The following TATDN1 variants were observed in gnomAD, a reference collection of about 807,000 sequenced individuals.
TATDN1 encodes the protein deoxyribonuclease TATDN1.
In TATDN1, 40 loss-of-function variants were observed where a neutral mutation model predicts 46.4. That is an observed-to-expected ratio of 0.86 (90% confidence interval 0.67 to 1.12). The LOEUF is 1.12. TATDN1 is among the 50% of genes most tolerant of loss of function. The pLI is 0.00. For synonymous variants in TATDN1, 95 were observed against 105.6 expected (o/e 0.90, Z 0.62); for missense variants, 326 against 348.4 (o/e 0.94, Z 0.51).
At chr8:124,522,591 G>T (rs1820144782) in intron 2 of TATDN1, among the ~76,000 whole-genome samples, 1 of 152,022 alleles carries the variant, frequency 6.6e-6, no homozygotes, top group South Asian at 2.1e-4. Context: ...TAATTTTATT[G>T]TATTTTTAGT....
In TATDN1 at chr8:124,505,030, C is replaced by T. The variant is rs1239629098; in HGVS notation, c.517-683G>A. ...TCGGCCTCCCAAAATGCTGGGATTA[C>T]AGAGGTGAGCCACCGCGCCTGGCCG... is the stretch of plus-strand genomic sequence containing the variant. On this transcript the variant is annotated intron_variant, in intron 8 of 11. Coordinates refer to ENST00000276692, the MANE Select transcript of TATDN1 (RefSeq NM_032026.4). Among the ~76,000 whole-genome samples the T allele has an allele frequency of 1.3e-5, 2 of 150,650 alleles. 1 individual carries two copies. Among genetic ancestry groups the T allele is most frequent in the African/African-American group, 4.9e-5 (2 of 41,078 alleles).
At chr8:124,519,161 T>C (rs554195739) in intron 3 of TATDN1, among the ~76,000 whole-genome samples, 8 of 152,332 alleles carry the variant, frequency 5.3e-5, no homozygotes, top group South Asian at 2.1e-4. Context: ...TATTAGACAA[T>C]GCATTCCTTG....
intron 6 of TATDN1, among the ~76,000 whole-genome samples, chr8:124,514,696 T>C (rs1345193632): frequency 6.6e-6 from 1 of 152,242 alleles, no homozygotes; most frequent in Non-Finnish European, 1.5e-5. Flanking sequence ...AAATTCAGAC[T>C]GTGACCTAAA....
intron 9 of TATDN1, among the ~76,000 whole-genome samples, chr8:124,499,793 C>T (rs1009705754): frequency 1.1e-4 from 16 of 151,980 alleles, no homozygotes; most frequent in Non-Finnish European, 1.5e-4. Flanking sequence ...ATCCGCCCAC[C>T]TCAGCCTCCC....
intron 6 of TATDN1, among the ~76,000 whole-genome samples, chr8:124,514,175 C>CT (rs1203872121): frequency 6.6e-6 from 1 of 152,108 alleles, no homozygotes; most frequent in Non-Finnish European, 1.5e-5. Context: ...AGCTTGAGGT[C>CT]TAGGGTATGA....
At chr8:124,508,416 T>G in intron 8 of TATDN1, 58 bp downstream of exon 8, 1 of 1,471,382 alleles carries the variant, frequency 6.8e-7, no homozygotes, top group Non-Finnish European at 9.4e-7. Flanking sequence ...TGGGAGTATT[T>G]TGGATTTTTG....
chr8:124,494,856 A>C (rs1452500087), intron 10 of TATDN1: 1 of 152,136 alleles, frequency 6.6e-6, no homozygotes, highest in Admixed American at 6.6e-5. Flanking sequence ...CTAAGTAGCT[A>C]GGATTACAGG....
At chr8:124,535,737 T>C (rs1821377205) in intron 1 of TATDN1, among the ~76,000 whole-genome samples, 1 of 152,200 alleles carries the variant, frequency 6.6e-6, no homozygotes, top group South Asian at 2.1e-4. Context: ...ACTGGGTGAT[T>C]TATAAAGAAA....
intron 9 of TATDN1, among the ~76,000 whole-genome samples, chr8:124,498,907 C>A (rs1358896884): frequency 2.0e-5 from 3 of 151,690 alleles, no homozygotes; most frequent in Non-Finnish European, 4.4e-5. Context: ...GCCTCAGCCT[C>A]CTGAAGTGCT....
chr8:124,526,103 AG>A (rs920834023), intron 1 of TATDN1, among the ~76,000 whole-genome samples: 20 of 152,340 alleles, frequency 1.3e-4, no homozygotes, highest in Non-Finnish European at 2.4e-4. Context: ...AACAATACAT[AG>A]CCAATCACTA....
intron 1 of TATDN1, among the ~76,000 whole-genome samples, chr8:124,534,018 C>G (rs923853234): frequency 2.6e-5 from 4 of 151,516 alleles, no homozygotes; most frequent in Non-Finnish European, 5.9e-5. Context: ...TGGTAGTGGG[C>G]GCCTGTAGTC....
intron 8 of TATDN1, among the ~76,000 whole-genome samples, chr8:124,506,227 C>T (rs1212824483): frequency 3.5e-5 from 5 of 143,706 alleles, no homozygotes; most frequent in Admixed American, 7.2e-5. Flanking sequence ...CCCAGCTACT[C>T]GGGAGGCTGA....
chr8:124,496,448 T>C (rs1055371458), intron 9 of TATDN1, among the ~76,000 whole-genome samples: 5 of 152,220 alleles, frequency 3.3e-5, no homozygotes, highest in Admixed American at 2.6e-4. Flanking sequence ...TGTGGTATCA[T>C]ACTGAATAGT....
chr8:124,496,394 G>A (rs1323353799), intron 9 of TATDN1, among the ~76,000 whole-genome samples: 1 of 152,132 alleles, frequency 6.6e-6, no homozygotes, highest in Non-Finnish European at 1.5e-5. Flanking sequence ...GGTTTCATGT[G>A]TTCTGTGGGT....
At chr8:124,531,560 C>A (rs767309317) in intron 1 of TATDN1, among the ~76,000 whole-genome samples, 1 of 152,170 alleles carries the variant, frequency 6.6e-6, no homozygotes, top group Non-Finnish European at 1.5e-5. Context: ...TCTCAAGCAG[C>A]ATTTTGGCCA....
intron 1 of TATDN1, among the ~76,000 whole-genome samples, chr8:124,534,095 C>G (rs1821212804): frequency 7.4e-6 from 1 of 135,354 alleles, no homozygotes; most frequent in Admixed American, 8.8e-5. Flanking sequence ...GCAGTGAGCC[C>G]AGACTGCACC....
At chr8:124,530,797 C>G (rs1245101594) in intron 1 of TATDN1, among the ~76,000 whole-genome samples, 1 of 152,146 alleles carries the variant, frequency 6.6e-6, no homozygotes, top group East Asian at 1.9e-4. Flanking sequence ...AAATGAGACC[C>G]AGTGTCTTTG....
At chr8:124,519,320 T>G (rs2131503136) in intron 3 of TATDN1, among the ~76,000 whole-genome samples, 1 of 152,292 alleles carries the variant, frequency 6.6e-6, no homozygotes, top group South Asian at 2.1e-4. Flanking sequence ...ATAAGACACT[T>G]TCTGTCTTTT....
chr8:124,518,798 T>C lies in TATDN1; in HGVS notation c.202+20A>G. 1 of 1,581,188 alleles carries C rather than the reference T, an allele frequency of 6.3e-7. No homozygotes were observed. Among genetic ancestry groups the C allele is most frequent in the Non-Finnish European group, 8.7e-7 (1 of 1,153,422 alleles). On this transcript the variant is annotated intron_variant, in intron 4 of 11. Transcript: ENST00000276692. The stretch of plus-strand genomic sequence containing the variant: ...ATTACTTAATTCATTTTTTTTTTGG[T>C]AAAAGAAATATGAGGATACCATTTG...
Sources: allele counts gnomAD v4.1 joint callset (sites outside exome capture counted in the v4.1 genomes callset), GRCh38; gene constraint gnomAD v4.1.1; transcripts MANE v1.5; gene names NCBI Gene and HGNC (gene_info 2026-07-23, HGNC 2026-07-21).